The following AP3B1 variants were observed in gnomAD, a reference collection of about 807,000 sequenced individuals.
AP3B1 encodes AP-3 complex subunit beta-1.
In AP3B1, 61 loss-of-function variants were observed where a neutral mutation model predicts 132.5. That is an observed-to-expected ratio of 0.46 (90% CI 0.37 to 0.57). The LOEUF is 0.57. Among genes scored for constraint, AP3B1 ranks in the 20% least tolerant of loss-of-function variants. The pLI is 0.00. For missense variants in AP3B1, 1,120 were observed against 1,289.4 expected, an observed-to-expected ratio of 0.87 and a Z score of 2.01; for synonymous variants, 388 against 438.3, an observed-to-expected ratio of 0.89 and a Z score of 1.43.
Position 78,294,654 on chromosome 5 carries a change from G to T in AP3B1, c.-75C>A. Reference sequence around the variant, plus strand: ...AAAAGGTTCCAGTCCAGAGGGCACGGAACAAAACTAGTTCTCGTACGGAGG... The same window carrying T: ...AAAAGGTTCCAGTCCAGAGGGCACGTAACAAAACTAGTTCTCGTACGGAGG... On this transcript the variant is annotated 5_prime_UTR_variant, in exon 1 of 27. Transcript: ENST00000255194. The T allele has an allele frequency of 6.2e-7, 1 of 1,606,586 alleles. No individual in the cohort carries two copies. Among genetic ancestry groups the T allele is most frequent in the South Asian group, 1.1e-5 (1 of 90,892 alleles).
At chr5:78,003,563 A>C (rs974634997) in intron 26 of AP3B1, 2 of 330,286 alleles carry the variant, frequency 6.1e-6, no homozygotes, top group Non-Finnish European at 8.7e-6. Context: ...AGTTTCAATG[A>C]ATTCACTCAT....
chr5:78,223,215 C>G (rs1037879575), intron 6 of AP3B1, among the ~76,000 whole-genome samples: 1 of 151,562 alleles, frequency 6.6e-6, no homozygotes, highest in African/African-American at 2.4e-5. Flanking sequence ...AGGAAGGAGG[C>G]TGGAAGGAAC....
chr5:78,216,337 TTAAAG>T, intron 6 of AP3B1, 100 bp from the exon 7 acceptor site: 2 of 1,077,300 alleles, frequency 1.9e-6, no homozygotes, highest in Non-Finnish European at 2.8e-6. Context: ...CCAATCAGTA[TTAAAG>T]TATTCAGTCA....
At chr5:78,121,682 C>G (rs566478121) in intron 17 of AP3B1, 55 of 152,352 alleles carry the variant, frequency 3.6e-4, no homozygotes, top group African/African-American at 1.3e-3. Context: ...ATAACAGGCT[C>G]TGAAATTGTG....
intron 7 of AP3B1, among the ~76,000 whole-genome samples, chr5:78,184,215 A>C (rs765149113): frequency 2.6e-5 from 4 of 151,954 alleles, no homozygotes; most frequent in Non-Finnish European, 4.4e-5. Flanking sequence ...AGAAGATATA[A>C]AGACCAAATA....
In AP3B1 at chr5:78,007,477, G is replaced by T. The variant is rs750590908; in HGVS notation, c.3132-4422C>A. ...TCTGTACATGAAGCCTTCAATTACT[G>T]CCTGCTGAAGCAGACAGAATCCTAT... On this transcript the variant is annotated intron_variant, in intron 26 of 26. Coordinates refer to ENST00000255194, the MANE Select transcript of AP3B1 (RefSeq NM_003664.5). 9.3e-5 allele frequency among the ~76,000 whole-genome samples: 14 copies of T among 151,076 alleles called. No individual in the cohort carries two copies. In the South Asian group the frequency reaches 1.0e-3, roughly 11 times the overall value.
chr5:78,149,566 A>C (rs145064776), intron 14 of AP3B1, among the ~76,000 whole-genome samples: 1 of 152,286 alleles, frequency 6.6e-6, no homozygotes, highest in East Asian at 1.9e-4. Flanking sequence ...CCTTAATAAC[A>C]GCTTACACCG....
At chr5:78,287,336 T>C (rs1749325404) in intron 1 of AP3B1, among the ~76,000 whole-genome samples, 3 of 152,270 alleles carry the variant, frequency 2.0e-5, no homozygotes, top group East Asian at 3.9e-4. Context: ...AGACAAAATG[T>C]AGAAGTCAGA....
chr5:78,281,261 C>T lies in AP3B1; in HGVS notation c.128+13191G>A, dbSNP rs140429140. ...ACCATCCTGACCAACATGGCAAAACCCTATCTCTACTAAAAGCACAAAATT... is the reference window on the plus strand; with the variant it reads ...ACCATCCTGACCAACATGGCAAAACTCTATCTCTACTAAAAGCACAAAATT... On this transcript the variant is annotated intron_variant, in intron 1 of 26. Transcript: ENST00000255194. Among the ~76,000 whole-genome samples the T allele has an allele frequency of 2.5e-4, 38 of 151,990 alleles. 1 individual carries two copies. Among genetic ancestry groups the T allele is most frequent in the African/African-American group, 8.9e-4 (37 of 41,452 alleles).
At chr5:78,256,339 A>C (rs1347615505) in intron 2 of AP3B1, among the ~76,000 whole-genome samples, 1 of 152,168 alleles carries the variant, frequency 6.6e-6, no homozygotes, top group Non-Finnish European at 1.5e-5. Context: ...AAGATATTAC[A>C]ACTGATGCTA....
At chr5:78,251,682 T>G (rs867914434) in intron 2 of AP3B1, among the ~76,000 whole-genome samples, 2 of 152,142 alleles carry the variant, frequency 1.3e-5, no homozygotes, top group African/African-American at 4.8e-5. Context: ...AGGTCCAAAC[T>G]TGAGTCCCTG....
intron 14 of AP3B1, among the ~76,000 whole-genome samples, chr5:78,152,232 G>T (rs546817635): frequency 6.6e-6 from 1 of 150,806 alleles, no homozygotes; most frequent in Non-Finnish European, 1.5e-5. Flanking sequence ...TCTGTTTTTT[G>T]GAATAGTTTC....
At chr5:78,097,287 G>A (rs1172079691) in intron 21 of AP3B1, among the ~76,000 whole-genome samples, 2 of 112,162 alleles carry the variant, frequency 1.8e-5, no homozygotes, top group Non-Finnish European at 1.9e-5. Context: ...AGGGAGGTGG[G>A]GGGGTCAGCC....
In AP3B1 at chr5:78,156,365, T is replaced by C; in HGVS notation, c.1366A>G (p.Ile456Val). The C allele has an allele frequency of 6.2e-7, 1 of 1,602,426 alleles. No homozygotes were observed. Among genetic ancestry groups the C allele is most frequent in the Non-Finnish European group, 8.5e-7 (1 of 1,169,768 alleles). Residue 456 changes from isoleucine to valine, a missense_variant and splice_region_variant, in exon 14 of 27, where the codon ATA becomes GTA. Ile to Val is a conservative substitution (Grantham distance 29, BLOSUM62 3). Around this residue, in one of 3 missense-constraint regions of AP3B1, gnomAD observed 906 missense variants for 997.1 expected, o/e 0.91. Transcript: ENST00000255194. ...ACAACCACACTTTCAGCAACAACTATTTCTGAAAAAGATAGAAATTATTCA... is the reference window on the plus strand; with the variant it reads ...ACAACCACACTTTCAGCAACAACTACTTCTGAAAAAGATAGAAATTATTCA... ...LVCLLSNRDE[I>V]VVAESVVVIK...
intron 7 of AP3B1, among the ~76,000 whole-genome samples, chr5:78,214,136 CAAAGA>C (rs1429828001): frequency 1.3e-5 from 2 of 152,074 alleles, no homozygotes; most frequent in Non-Finnish European, 2.9e-5. Context: ...AAGTAAGTGG[CAAAGA>C]AAAGAAATGA....
chr5:78,093,651 T>C (rs890133193), intron 21 of AP3B1, among the ~76,000 whole-genome samples: 13 of 152,252 alleles, frequency 8.5e-5, no homozygotes, highest in African/African-American at 3.1e-4. Flanking sequence ...CATAATGGCT[T>C]AATATGTTGT....
intron 12 of AP3B1, among the ~76,000 whole-genome samples, chr5:78,163,280 C>G (rs1053814452): frequency 1.3e-5 from 2 of 151,978 alleles, no homozygotes; most frequent in African/African-American, 2.4e-5. Flanking sequence ...GATGAGAGCT[C>G]TCTCTTTGGA....
intron 14 of AP3B1, among the ~76,000 whole-genome samples, chr5:78,150,778 T>TA (rs1190726038): frequency 4.6e-5 from 7 of 152,110 alleles, no homozygotes; most frequent in African/African-American, 7.2e-5. Flanking sequence ...TTTATTTATT[T>TA]TTTTTTTACA....
intron 25 of AP3B1, among the ~76,000 whole-genome samples, chr5:78,016,046 C>T (rs1746843043): frequency 6.6e-6 from 1 of 151,844 alleles, no homozygotes; most frequent in Non-Finnish European, 1.5e-5. Flanking sequence ...TATGACAGAT[C>T]GAAGTTATCT....
Sources: gnomAD v4.1 joint callset for allele counts (sites outside exome capture counted in the v4.1 genomes callset) on GRCh38, gnomAD v4.1.1 for gene constraint, gnomAD v4.1.1 regional missense constraint, MANE v1.5 for transcripts, NCBI Gene and HGNC (gene_info 2026-07-23, HGNC 2026-07-21) for gene names.